GRID2: variants seen among roughly 807,000 people sequenced by gnomAD.
The protein encoded by GRID2 is glutamate ionotropic receptor delta type subunit 2.
Under a neutral mutation model 114.8 loss-of-function variants are expected in GRID2, and 33 were observed. The observed-to-expected ratio is 0.29, with a 90% CI of 0.22 to 0.38. GRID2 has a LOEUF of 0.38. Among genes scored for constraint, GRID2 ranks in the 10% least tolerant of loss-of-function variants. The pLI is 1.00. For synonymous variants in GRID2, 505 were observed against 449.9 expected (o/e 1.12, Z -1.55); for missense variants, 1,184 against 1,257.7 (o/e 0.94, Z 0.89).
At chr4:92,618,710 A>G (rs1730127318) in intron 2 of GRID2, among the ~76,000 whole-genome samples, 1 of 151,580 alleles carries the variant, frequency 6.6e-6, no homozygotes, top group Admixed American at 6.6e-5. Flanking sequence ...TGTAGGGATC[A>G]TTCATCTCCT....
intron 2 of GRID2, among the ~76,000 whole-genome samples, chr4:93,052,319 T>G (rs1339473073): frequency 6.6e-6 from 1 of 151,952 alleles, no homozygotes; most frequent in African/African-American, 2.4e-5. Context: ...TTACGCAACT[T>G]TAATTGATAG....
At chr4:92,965,488 A>AC (rs1753096352) in intron 2 of GRID2, among the ~76,000 whole-genome samples, 5 of 122,812 alleles carry the variant, frequency 4.1e-5, no homozygotes, top group Non-Finnish European at 5.1e-5. Flanking sequence ...AAAAAAAAAA[A>AC]ACACACAACA....
chr4:93,386,791 G>A (rs981142760), intron 8 of GRID2, among the ~76,000 whole-genome samples: 16 of 152,246 alleles, frequency 1.1e-4, no homozygotes, highest in African/African-American at 3.1e-4. Flanking sequence ...AAGTCAGAAT[G>A]GAGAAAAGTG....
chr4:93,465,563 A>G (rs1724186360), intron 11 of GRID2, among the ~76,000 whole-genome samples: 1 of 152,178 alleles, frequency 6.6e-6, no homozygotes, highest in Non-Finnish European at 1.5e-5. Context: ...TGAGAAAATT[A>G]AAAGAACTCA....
chr4:93,613,914 G>A (rs1283842953), intron 13 of GRID2, among the ~76,000 whole-genome samples: 65 of 151,756 alleles, frequency 4.3e-4, no homozygotes, highest in African/African-American at 1.5e-3. Context: ...CCCCAGCCTA[G>A]TTGCCGCCTT....
At chr4:93,505,289 A>AGGG in intron 12 of GRID2, among the ~76,000 whole-genome samples, 1 of 152,226 alleles carries the variant, frequency 6.6e-6, no homozygotes, top group Non-Finnish European at 1.5e-5. Flanking sequence ...TTTCAAGAAT[A>AGGG]TAGGAATATG....
chr4:92,650,298 A>G (rs769928605), intron 2 of GRID2, among the ~76,000 whole-genome samples: 4 of 152,010 alleles, frequency 2.6e-5, no homozygotes, highest in African/African-American at 2.4e-5. Context: ...GCCTTCAACA[A>G]TCACTTCCAC....
chr4:93,398,060 A>T (rs1445561922), intron 9 of GRID2, among the ~76,000 whole-genome samples: 1 of 149,928 alleles, frequency 6.7e-6, no homozygotes, highest in Non-Finnish European at 1.5e-5. Flanking sequence ...ATTCTCAAGA[A>T]ATAGGTAATA....
Position 93,407,870 on chromosome 4 carries a change from CCTT to C in GRID2, c.1347+12170_1347+12172del, listed in dbSNP as rs545271866. ...TCCACCTCCTGCTTCTCCTTCTCCT[CCTT>C]CTTCTTCATTTTTATTTTTAACCAT... On this transcript the variant is annotated intron_variant, in intron 9 of 15. Transcript: ENST00000282020. 3.1e-3 allele frequency among the ~76,000 whole-genome samples: 462 copies of C among 150,992 alleles called. 2 individuals carry two copies. The highest frequency in any genetic ancestry group is 0.011 in the African/African-American group (435 of 40,990).
chr4:93,301,149 C>A (rs77616345), intron 8 of GRID2, among the ~76,000 whole-genome samples: 8,176 of 152,098 alleles, frequency 0.054, 727 homozygotes, highest in African/African-American at 0.19. Context: ...CCTCAATACA[C>A]AAATTTTCTA....
At chr4:92,623,726 T>C (rs1476525123) in intron 2 of GRID2, among the ~76,000 whole-genome samples, 2 of 151,824 alleles carry the variant, frequency 1.3e-5, no homozygotes, top group Non-Finnish European at 2.9e-5. Flanking sequence ...GTGGCACCGC[T>C]AACACCCACA....
At chr4:93,205,304 T>C (rs1221194494) in intron 4 of GRID2, among the ~76,000 whole-genome samples, 3 of 152,072 alleles carry the variant, frequency 2.0e-5, no homozygotes, top group Admixed American at 1.3e-4. Context: ...AGTATACATA[T>C]ATTTCAAAAA....
intron 2 of GRID2, among the ~76,000 whole-genome samples, chr4:92,600,691 G>A (rs2149219209): frequency 6.6e-6 from 1 of 152,250 alleles, no homozygotes; most frequent in Admixed American, 6.5e-5. Context: ...ATTCACTTGG[G>A]CCCCTCCCAT....
At chr4:93,189,412 A>G (rs753082640) in intron 4 of GRID2, among the ~76,000 whole-genome samples, 21 of 152,076 alleles carry the variant, frequency 1.4e-4, no homozygotes, top group Non-Finnish European at 2.9e-4. Context: ...TTATAAGTTC[A>G]CTAATCCTAC....
chr4:93,664,309 GA>G (rs1723763820), intron 14 of GRID2, among the ~76,000 whole-genome samples: 1 of 152,210 alleles, frequency 6.6e-6, no homozygotes, highest in Non-Finnish European at 1.5e-5. Flanking sequence ...GAGTGAGTAG[GA>G]AGGCACTACA....
chr4:92,690,669 C>T (rs1579850593), intron 2 of GRID2, among the ~76,000 whole-genome samples: 1 of 152,040 alleles, frequency 6.6e-6, no homozygotes, highest in East Asian at 1.9e-4. Context: ...CAAATTATAC[C>T]TGTATATAAA....
intron 1 of GRID2, among the ~76,000 whole-genome samples, chr4:92,380,015 G>C (rs1417608205): frequency 6.6e-6 from 1 of 151,824 alleles, no homozygotes; most frequent in Non-Finnish European, 1.5e-5. Flanking sequence ...GGTTAAAAAT[G>C]GTCTAATTAT....
At chr4:93,290,578 A>G (rs536585640) in intron 8 of GRID2, among the ~76,000 whole-genome samples, 5 of 151,992 alleles carry the variant, frequency 3.3e-5, no homozygotes, top group African/African-American at 9.6e-5. Flanking sequence ...CTATGCATGC[A>G]TTTTTATATT....
rs73839288 is a variant in GRID2, at chr4:92,340,590, A to C, written c.88+35846A>C. Among the ~76,000 whole-genome samples the C allele has an allele frequency of 7.0e-3, 1,071 of 152,220 alleles. 10 individuals carry two copies. The highest frequency in any genetic ancestry group is 0.025 in the African/African-American group (1,032 of 41,522). On this transcript the variant is annotated intron_variant, in intron 1 of 15. Coordinates refer to ENST00000282020, the MANE Select transcript of GRID2 (RefSeq NM_001510.4). ...CTGGAATTCTACATGATGAACACCT[A>C]CTCATTGCTCAAAATTCAATGTAAA...
Sources: allele counts gnomAD v4.1 joint callset (sites outside exome capture counted in the v4.1 genomes callset), GRCh38; gene constraint gnomAD v4.1.1; transcripts MANE v1.5; gene names NCBI Gene and HGNC (gene_info 2026-07-23, HGNC 2026-07-21).